Variants in HPCAL1 observed in about 807,000 individuals in gnomAD.
The protein encoded by HPCAL1 is hippocalcin-like protein 1.
A neutral mutation model predicts 17.1 loss-of-function variants in HPCAL1; 8 were observed. The ratio of observed to expected loss-of-function variants is 0.47; its 90% CI spans 0.27 to 0.84. The LOEUF (loss-of-function observed/expected upper bound fraction) is 0.84, where lower values mean the gene tolerates loss of function less well. HPCAL1 is among the 40% of genes least tolerant of loss of function. HPCAL1 has a pLI of 0.13. For synonymous variants in HPCAL1, 112 were observed against 111.4 expected (o/e 1.01, Z -0.03); for missense variants, 165 against 271.1 (o/e 0.61, Z 2.75).
chr2:10,397,506 C>T (rs750116297), intron 2 of HPCAL1, among the ~76,000 whole-genome samples: 4 of 148,968 alleles, frequency 2.7e-5, no homozygotes, highest in Admixed American at 6.6e-5. Context: ...ATCCGCCACC[C>T]TGCAGCCCCC....
chr2:10,335,392 T>G (rs1281876647), intron 1 of HPCAL1, among the ~76,000 whole-genome samples: 1 of 152,206 alleles, frequency 6.6e-6, no homozygotes, highest in East Asian at 1.9e-4. Flanking sequence ...AACAGCCATG[T>G]GAGTGAGCTT....
At chr2:10,409,048 CAAGA>C (rs1670160110) in intron 2 of HPCAL1, among the ~76,000 whole-genome samples, 1 of 152,112 alleles carries the variant, frequency 6.6e-6, no homozygotes, top group Admixed American at 6.5e-5. Context: ...CACATGTAAT[CAAGA>C]AAGAGAAAGT....
intron 1 of HPCAL1, among the ~76,000 whole-genome samples, chr2:10,316,592 A>G (rs1464578164): frequency 6.6e-6 from 1 of 152,256 alleles, no homozygotes; most frequent in East Asian, 1.9e-4. Flanking sequence ...AATCTGTTTG[A>G]GTCCAGGATA....
intron 1 of HPCAL1, among the ~76,000 whole-genome samples, chr2:10,387,952 G>C (rs981263621): frequency 6.6e-6 from 1 of 152,158 alleles, no homozygotes; most frequent in African/African-American, 2.4e-5. Flanking sequence ...GTGGAGGTCT[G>C]TGTGTTCGGC....
chr2:10,350,597 G>C (rs1338535362), intron 1 of HPCAL1, among the ~76,000 whole-genome samples: 1 of 152,012 alleles, frequency 6.6e-6, no homozygotes, highest in Non-Finnish European at 1.5e-5. Context: ...ACCACACCCA[G>C]CCAAAATTTA....
chr2:10,319,468 A>C (rs1407095822), intron 1 of HPCAL1, among the ~76,000 whole-genome samples: 2 of 151,984 alleles, frequency 1.3e-5, no homozygotes, highest in African/African-American at 4.8e-5. Flanking sequence ...TCAAGCACAG[A>C]CAGCCAGGCA....
At chr2:10,385,424 C>T (rs970127673) in intron 1 of HPCAL1, among the ~76,000 whole-genome samples, 1 of 152,110 alleles carries the variant, frequency 6.6e-6, no homozygotes, top group African/African-American at 2.4e-5. Context: ...CTAGCAAGCA[C>T]CTGCTCCAGG....
At chr2:10,313,495 GGGCAC>G (rs1349082889) in intron 1 of HPCAL1, among the ~76,000 whole-genome samples, 1 of 152,196 alleles carries the variant, frequency 6.6e-6, no homozygotes, top group Non-Finnish European at 1.5e-5. Flanking sequence ...GGCTAGGTCA[GGGCAC>G]TGCTAGTGTT....
chr2:10,402,747 G>GA (rs57288577), intron 2 of HPCAL1, among the ~76,000 whole-genome samples: 2 of 152,060 alleles, frequency 1.3e-5, no homozygotes, highest in Non-Finnish European at 2.9e-5. Flanking sequence ...AAGAATTAAA[G>GA]AAAAAGTTTT....
At chr2:10,305,040 A>G (rs1291376634) in intron 1 of HPCAL1, among the ~76,000 whole-genome samples, 1 of 152,120 alleles carries the variant, frequency 6.6e-6, no homozygotes. Flanking sequence ...GAAGCCCTGC[A>G]ATCCTAGCCA....
At chr2:10,374,723 G>A (rs1558497055) in intron 1 of HPCAL1, among the ~76,000 whole-genome samples, 1 of 152,254 alleles carries the variant, frequency 6.6e-6, no homozygotes, top group East Asian at 1.9e-4. Context: ...AGGTCTCAGA[G>A]TGGAGGCGGC....
At position 10,410,459 on chromosome 2, in the gene HPCAL1, T is replaced by C. The variant is rs1670287614; in HGVS notation, c.-24-9275T>C. Reference sequence around the variant, plus strand: ...TTCTTTTTTTTTTTTTTTTTTTTTTTTTACAATTCAGCAGATTAAGAACAA... The same window carrying C: ...TTCTTTTTTTTTTTTTTTTTTTTTTCTTACAATTCAGCAGATTAAGAACAA... On this transcript the variant is annotated intron_variant, in intron 2 of 4. Transcript: ENST00000307845. Among the ~76,000 whole-genome samples, 3 of 147,536 alleles carry C rather than the reference T, an allele frequency of 2.0e-5. No individual in the cohort carries two copies. In the South Asian group the frequency reaches 6.5e-4, roughly 32 times the overall value.
At chr2:10,313,244 C>T (rs1663099017) in intron 1 of HPCAL1, among the ~76,000 whole-genome samples, 2 of 152,204 alleles carry the variant, frequency 1.3e-5, no homozygotes, top group Admixed American at 1.3e-4. Flanking sequence ...CCAGGGAGGA[C>T]AAATTCTGGC....
At chr2:10,314,088 T>C (rs1663150342) in intron 1 of HPCAL1, among the ~76,000 whole-genome samples, 1 of 150,506 alleles carries the variant, frequency 6.6e-6, no homozygotes. Context: ...CTGAGAGATC[T>C]GAGCCACTAC....
chr2:10,372,671 G>A (rs1421270621), intron 1 of HPCAL1, among the ~76,000 whole-genome samples: 6 of 152,220 alleles, frequency 3.9e-5, no homozygotes, highest in Admixed American at 2.0e-4. Flanking sequence ...CTGCCTGCCC[G>A]GAGGGTGGCG....
At chr2:10,398,300 C>T (rs547957126) in intron 2 of HPCAL1, among the ~76,000 whole-genome samples, 43 of 152,336 alleles carry the variant, frequency 2.8e-4, no homozygotes, top group Non-Finnish European at 5.9e-4. Flanking sequence ...TTAAAGTCCT[C>T]CAAGTCCTCA....
At chr2:10,391,845 G>A (rs1406718228) in intron 1 of HPCAL1, among the ~76,000 whole-genome samples, 2 of 152,064 alleles carry the variant, frequency 1.3e-5, no homozygotes, top group Non-Finnish European at 2.9e-5. Context: ...GCCCCTCCAG[G>A]TTTAAGCAGT....
chr2:10,360,398 G>A (rs1021180546), intron 1 of HPCAL1, among the ~76,000 whole-genome samples: 2 of 151,680 alleles, frequency 1.3e-5, no homozygotes, highest in East Asian at 4.0e-4. Context: ...TCCACCTGCT[G>A]GGTAGATGTT....
intron 2 of HPCAL1, among the ~76,000 whole-genome samples, chr2:10,399,115 A>G (rs541438583): frequency 1.3e-5 from 2 of 151,636 alleles, no homozygotes; most frequent in East Asian, 3.9e-4. Flanking sequence ...AGGCGAAGAG[A>G]TCAGAAGAGG....
Sources: gnomAD v4.1 joint callset for allele counts (sites outside exome capture counted in the v4.1 genomes callset) on GRCh38, gnomAD v4.1.1 for gene constraint, MANE v1.5 for transcripts, NCBI Gene and HGNC (gene_info 2026-07-23, HGNC 2026-07-21) for gene names.